NT5C1A: variants seen among roughly 807,000 people sequenced by gnomAD.
NT5C1A encodes 5'-nucleotidase, cytosolic IA.
Under a neutral mutation model 31.0 loss-of-function variants are expected in NT5C1A, and 18 were observed. The observed-to-expected ratio is 0.58, with a 90% CI of 0.40 to 0.86. NT5C1A has a LOEUF of 0.86. NT5C1A is among the 40% of genes least tolerant of loss of function. The probability of loss-of-function intolerance (pLI) is 0.00; values close to 1 mark genes in which losing one functional copy is unlikely to be tolerated. For synonymous variants in NT5C1A, 185 were observed against 203.6 expected, an observed-to-expected ratio of 0.91 and a Z score of 0.78; for missense variants, 470 against 505.4, an observed-to-expected ratio of 0.93 and a Z score of 0.67.
intron 5 of NT5C1A, 48 bp downstream of exon 5, chr1:39,661,031 G>T (rs1283813261): frequency 1.7e-6 from 2 of 1,188,980 alleles, no homozygotes; most frequent in Non-Finnish European, 1.2e-6. Context: ...GGGCAGGTCT[G>T]GGGAGCTGCC....
intron 1 of NT5C1A, among the ~76,000 whole-genome samples, chr1:39,671,537 A>C (rs956009831): frequency 1.3e-5 from 2 of 152,234 alleles, no homozygotes; most frequent in Non-Finnish European, 2.9e-5. Flanking sequence ...CCGGGTTCCC[A>C]AAGTCTGGTT....
At chr1:39,670,416 T>C (rs1447089925) in intron 1 of NT5C1A, among the ~76,000 whole-genome samples, 1 of 152,268 alleles carries the variant, frequency 6.6e-6, no homozygotes, top group Non-Finnish European at 1.5e-5. Context: ...TAAAAAAATC[T>C]GCAGCACAAG....
rs1646453982 is a variant in NT5C1A at position 39,655,334 on chromosome 1, C to G, written c.*3787G>C. ...CTCTGCATTAGCCCAAAACAGGGGC[C>G]TTCACACTGGGTTTCTCAAAACTTG... On this transcript the variant is annotated 3_prime_UTR_variant, in exon 6 of 6. Coordinates refer to ENST00000235628, the MANE Select transcript of NT5C1A (RefSeq NM_032526.3). Among the ~76,000 whole-genome samples, 1 of 152,196 alleles carries G rather than the reference C, an allele frequency of 6.6e-6. No homozygotes were observed. The highest frequency in any genetic ancestry group is 2.1e-4 in the South Asian group (1 of 4,838).
intron 1 of NT5C1A, 83 bp downstream of exon 1, chr1:39,671,821 C>T: frequency 6.5e-7 from 1 of 1,536,832 alleles, no homozygotes; most frequent in South Asian, 1.1e-5. Context: ...AGGGGCGCCA[C>T]GGGTCCCTTC....
rs1175346767 is a variant in NT5C1A, at chr1:39,656,185, G to C, written c.*2936C>G. ...GCTTGTTGGGGAAGTGGTGCTCTCA[G>C]CTAAAGGGGTCCAGTGTTTCAGAAG... On this transcript the variant is annotated 3_prime_UTR_variant, in exon 6 of 6. Coordinates refer to ENST00000235628, the MANE Select transcript of NT5C1A (RefSeq NM_032526.3). Among the ~76,000 whole-genome samples the C allele has an allele frequency of 6.6e-6, 1 of 152,212 alleles. No individual in the cohort carries two copies. The highest frequency in any genetic ancestry group is 1.5e-5 in the Non-Finnish European group (1 of 68,038).
At chr1:39,664,062 A>C (rs937127420) in intron 3 of NT5C1A, among the ~76,000 whole-genome samples, 1 of 152,164 alleles carries the variant, frequency 6.6e-6, no homozygotes, top group African/African-American at 2.4e-5. Context: ...CAAGAATTTG[A>C]AATTAGGATT....
chr1:39,662,911 C>A (rs1275041695), intron 4 of NT5C1A, among the ~76,000 whole-genome samples: 1 of 152,194 alleles, frequency 6.6e-6, no homozygotes, highest in Non-Finnish European at 1.5e-5. Context: ...GGCTTTCAGG[C>A]TGGACTAGAT....
rs1461195017 is a variant in NT5C1A at position 39,671,919 on chromosome 1, C to T, written c.120G>A (p.Lys40=). The T allele has an allele frequency of 6.2e-7, 1 of 1,613,474 alleles. No individual in the cohort carries two copies. The highest frequency in any genetic ancestry group is 2.2e-5 in the East Asian group (1 of 44,848). The change falls in exon 1 of 6, where the codon AAG becomes AAA. Residue 40 remains lysine (K), a synonymous_variant. Transcript: ENST00000235628. ...TTGCTTTTACCGATTTGGGTTTCTT[C>T]TTGGGCGCGAGGTTGTCGTAGAAAA... ...AKIFYDNLAP[K]KKPKSPKPQN...
In NT5C1A at chr1:39,665,501, A is replaced by G; in HGVS notation, c.433+20T>C. ...AGGGGTGTCCCAGGGCAAACCCCCC[A>G]TCCTCATGCTCATGCTCACCATAGT... On this transcript the variant is annotated intron_variant, in intron 3 of 5. Transcript: ENST00000235628. The G allele has an allele frequency of 1.2e-6, 2 of 1,602,178 alleles. No homozygotes were observed. The highest frequency in any genetic ancestry group is 1.7e-6 in the Non-Finnish European group (2 of 1,174,474).
At chr1:39,671,526 AC>A (rs1170676077) in intron 1 of NT5C1A, among the ~76,000 whole-genome samples, 1 of 152,216 alleles carries the variant, frequency 6.6e-6, no homozygotes, top group Non-Finnish European at 1.5e-5. Flanking sequence ...ACAGCCAGGA[AC>A]CGGGTTCCCA....
chr1:39,656,174 T>C lies in NT5C1A; in HGVS notation c.*2947A>G, dbSNP rs540712976. 2.0e-5 allele frequency among the ~76,000 whole-genome samples: 3 copies of C among 152,300 alleles called. No individual in the cohort carries two copies. The South Asian group carries it at 6.2e-4, about 32-fold the overall frequency. On this transcript the variant is annotated 3_prime_UTR_variant, in exon 6 of 6. Transcript: ENST00000235628. ...TGTTCTGCAGGGCTTGTTGGGGAAG[T>C]GGTGCTCTCAGCTAAAGGGGTCCAG... is the stretch of plus-strand genomic sequence containing the variant.
At chr1:39,662,564 A>G (rs1392697231) in intron 4 of NT5C1A, among the ~76,000 whole-genome samples, 1 of 152,228 alleles carries the variant, frequency 6.6e-6, no homozygotes, top group East Asian at 1.9e-4. Flanking sequence ...GAGAGGGGCC[A>G]GGCTTCCAGG....
intron 1 of NT5C1A, among the ~76,000 whole-genome samples, chr1:39,668,517 CCAGATGGGGAAA>C (rs1166338184): frequency 6.6e-6 from 1 of 152,194 alleles, no homozygotes; most frequent in African/African-American, 2.4e-5. Flanking sequence ...TCTCTCTTTT[CCAGATGGGGAAA>C]CAGGCCCAGA....
At position 39,659,406 on chromosome 1, in the gene NT5C1A, T is replaced by C. The variant is rs774530169; in HGVS notation, c.822A>G (p.Pro274=). The change falls in exon 6 of 6, where the codon CCA becomes CCG. Residue 274 remains proline (P), a synonymous_variant. Transcript: ENST00000235628. ...GTGCTGTCACCAAGTAGGTACGAAT[T>C]GGGCACTCCAGCCGCAGGCCTTTGG... ...FYSKGLRLEC[P]IRTYLVTARS... The C allele has an allele frequency of 1.4e-5, 23 of 1,613,364 alleles. No homozygotes were observed. The East Asian group carries it at 5.1e-4, about 36-fold the overall frequency.
At chr1:39,670,532 A>G (rs1046202232) in intron 1 of NT5C1A, among the ~76,000 whole-genome samples, 6 of 152,240 alleles carry the variant, frequency 3.9e-5, no homozygotes, top group African/African-American at 1.4e-4. Flanking sequence ...AAGAAAGAAA[A>G]TAAATTGGAT....
At chr1:39,663,186 G>T (rs990385197) in intron 4 of NT5C1A, 126 bp downstream of exon 4, 36 of 1,021,894 alleles carry the variant, frequency 3.5e-5, no homozygotes, top group Non-Finnish European at 5.4e-5. Context: ...GGAAAGTATT[G>T]CTCAGCCTTG....
rs751249522 is a variant in NT5C1A at position 39,665,590 on chromosome 1, C to T, written c.364G>A (p.Asp122Asn). The T allele has an allele frequency of 3.0e-5, 49 of 1,613,286 alleles. No homozygotes were observed. The highest frequency in any genetic ancestry group is 3.6e-5 in the Non-Finnish European group (43 of 1,179,932). ...TGGTTGTTAGTCATGAGGACGATGT[C>T]GAAGACGTCCTCACTATCAGGGTAC... is the stretch of plus-strand genomic sequence containing the variant. The part of the protein sequence containing the change: ...ELYPDSEDVF[D>N]IVLMTNNHAQ... The change falls in exon 3 of 6, where the codon GAC becomes AAC. Residue 122 changes from aspartate to asparagine, a missense_variant. Transcript: ENST00000235628.
chr1:39,663,503 C>T lies in NT5C1A; in HGVS notation c.434-69G>A, dbSNP rs150275553. The T allele has an allele frequency of 2.2e-4, 335 of 1,531,768 alleles. 1 individual carries two copies. In the East Asian group the frequency reaches 6.6e-3, roughly 30 times the overall value. The allele number at this position is 1,531,768 out of a possible 1,614,324, so 94.9% of individuals were successfully genotyped here. A position where few individuals can be genotyped will look rare whatever the true frequency, so the allele number is the denominator to read the frequency against. ...TGGGCTTCAGGGCAGTCTCTCTGTG[C>T]CCAGTGCACACCATCCTAGTTCTGG... On this transcript the variant is annotated intron_variant, in intron 3 of 5. Coordinates refer to ENST00000235628, the MANE Select transcript of NT5C1A (RefSeq NM_032526.3).
chr1:39,666,158 T>C lies in NT5C1A; in HGVS notation c.214A>G (p.Thr72Ala). Residue 72 changes from threonine to alanine, a missense_variant, in exon 2 of 6, where the codon ACG becomes GCG. Coordinates refer to ENST00000235628, the MANE Select transcript of NT5C1A (RefSeq NM_032526.3). ...ACGTACTCCTCCACGCCCTGCTCCG[T>C]GTAGATCTGCTGCTCCTCGTCCATG... ...FRMDEEQQIY[T>A]EQGVEEYVRY... 1 of 1,613,586 alleles carries C rather than the reference T, an allele frequency of 6.2e-7. No homozygotes were observed. The highest frequency in any genetic ancestry group is 1.6e-4 in the Middle Eastern group (1 of 6,062).
Sources: allele counts gnomAD v4.1 joint callset (sites outside exome capture counted in the v4.1 genomes callset), GRCh38; gene constraint gnomAD v4.1.1; transcripts MANE v1.5; gene names NCBI Gene and HGNC (gene_info 2026-07-23, HGNC 2026-07-21).